Variants in FGF12 observed in about 807,000 individuals in gnomAD.
The protein encoded by FGF12 is fibroblast growth factor 12.
Under a neutral mutation model 23.6 loss-of-function variants are expected in FGF12, and 14 were observed. That is an observed-to-expected ratio of 0.59 (90% confidence interval 0.39 to 0.93). The LOEUF (loss-of-function observed/expected upper bound fraction) is 0.93, where lower values mean the gene tolerates loss of function less well. Among genes scored for constraint, FGF12 ranks in the 40% least tolerant of loss-of-function variants. The pLI is 0.00. For missense variants in FGF12, 175 were observed against 217.8 expected (o/e 0.80, Z 1.24); for synonymous variants, 62 against 77.3 (o/e 0.80, Z 1.04).
At chr3:192,475,384 C>A (rs773178639) in intron 2 of FGF12, among the ~76,000 whole-genome samples, 7 of 152,132 alleles carry the variant, frequency 4.6e-5, no homozygotes, top group Non-Finnish European at 1.0e-4. Context: ...GACTGGGACA[C>A]AGAAAAGTGA....
At position 192,372,635 on chromosome 3, in the gene FGF12, C is replaced by G. The variant is rs142006752; in HGVS notation, c.14-12097G>C. Among the ~76,000 whole-genome samples the G allele has an allele frequency of 6.8e-3, 1,037 of 152,306 alleles. 10 individuals carry two copies. The highest frequency in any genetic ancestry group is 0.024 in the African/African-American group (993 of 41,562). ...CTTCTCTCCATCCGCACTGCCTCCA[C>G]CTTTGTTCAGGCCATCGAGTGCTCT... On this transcript the variant is annotated intron_variant, in intron 2 of 5. Coordinates refer to ENST00000445105, the MANE Select transcript of FGF12 (RefSeq NM_004113.6).
intron 4 of FGF12, among the ~76,000 whole-genome samples, chr3:192,272,213 GAC>G (rs1388228664): frequency 1.3e-5 from 2 of 152,014 alleles, no homozygotes; most frequent in African/African-American, 2.4e-5. Context: ...ATTTCATAAA[GAC>G]ACAGTTTATT....
intron 2 of FGF12, among the ~76,000 whole-genome samples, chr3:192,612,136 G>A (rs769115332): frequency 2.6e-5 from 4 of 151,934 alleles, no homozygotes; most frequent in East Asian, 3.9e-4. Flanking sequence ...TCTTGGCCAC[G>A]AAAACAAACC....
At chr3:192,486,558 G>A (rs549320698) in intron 2 of FGF12, among the ~76,000 whole-genome samples, 1 of 152,050 alleles carries the variant, frequency 6.6e-6, no homozygotes, top group African/African-American at 2.4e-5. Context: ...GCATAGCCTA[G>A]GAAGTAAAAG....
Position 192,628,510 on chromosome 3 carries a change from A to AGT in FGF12, c.13+98669_13+98670dup, listed in dbSNP as rs538589825. On this transcript the variant is annotated intron_variant, in intron 2 of 5. Transcript: ENST00000445105. ...ACAGACATATATGTATATATATATT[A>AGT]GTGTGTGTGTGTATATATATATATA... Among the ~76,000 whole-genome samples, 35 of 56,432 alleles carry AGT rather than the reference A, an allele frequency of 6.2e-4. 1 individual carries two copies. The East Asian group carries it at 0.015, about 24-fold the overall frequency. 37.0% of individuals were successfully genotyped at this position (56,432 alleles called of 152,430 possible).
At chr3:192,667,805 G>C (rs1257960550) in intron 2 of FGF12, among the ~76,000 whole-genome samples, 1 of 151,912 alleles carries the variant, frequency 6.6e-6, no homozygotes, top group Non-Finnish European at 1.5e-5. Flanking sequence ...CAGAAAGAGT[G>C]AGATATTGAC....
intron 2 of FGF12, among the ~76,000 whole-genome samples, chr3:192,538,015 C>T (rs778037422): frequency 9.0e-5 from 13 of 145,242 alleles, no homozygotes; most frequent in Middle Eastern, 8.6e-3. Flanking sequence ...GGTGCGATCT[C>T]GGCTCACTGC....
chr3:192,141,275 C>T lies in FGF12; in HGVS notation c.*2734G>A, dbSNP rs1282507677. On this transcript the variant is annotated 3_prime_UTR_variant, in exon 6 of 6. Coordinates refer to ENST00000445105, the MANE Select transcript of FGF12 (RefSeq NM_004113.6). ...TGAAAAACAAAGTACTTAAACTCAA[C>T]CATATTTTTGGATGAAGTTGGATAT... 6.6e-6 allele frequency: 1 copy of T among 151,430 alleles called. No homozygotes were observed. Among genetic ancestry groups the T allele is most frequent in the African/African-American group, 2.4e-5 (1 of 41,244 alleles). The allele number at this position is 151,430 out of a possible 1,614,324, so 9.4% of individuals were successfully genotyped here.
chr3:192,186,637 T>A (rs1406413287), intron 4 of FGF12, among the ~76,000 whole-genome samples: 1 of 152,200 alleles, frequency 6.6e-6, no homozygotes, highest in Non-Finnish European at 1.5e-5. Context: ...CTACTTTATT[T>A]GAAAGGAGAA....
chr3:192,179,437 C>T (rs571433684), intron 4 of FGF12, among the ~76,000 whole-genome samples: 1 of 151,562 alleles, frequency 6.6e-6, no homozygotes, highest in Non-Finnish European at 1.5e-5. Context: ...ATGGACACAA[C>T]TACTCAATAC....
intron 4 of FGF12, among the ~76,000 whole-genome samples, chr3:192,324,267 C>G (rs1165705941): frequency 6.6e-6 from 1 of 152,078 alleles, no homozygotes; most frequent in African/African-American, 2.4e-5. Context: ...ATGAGAAATA[C>G]TCTTCAAGCA....
intron 2 of FGF12, among the ~76,000 whole-genome samples, chr3:192,564,228 T>C (rs1712179272): frequency 6.6e-6 from 1 of 152,042 alleles, no homozygotes; most frequent in Non-Finnish European, 1.5e-5. Flanking sequence ...CATGCCCGGC[T>C]AATTTGTGTA....
At chr3:192,198,306 T>C (rs1165667650) in intron 4 of FGF12, among the ~76,000 whole-genome samples, 2 of 152,220 alleles carry the variant, frequency 1.3e-5, no homozygotes, top group Admixed American at 1.3e-4. Flanking sequence ...AGGGAATTAA[T>C]GGCCTTTAAA....
At chr3:192,395,453 AT>A (rs1355504328) in intron 2 of FGF12, among the ~76,000 whole-genome samples, 2 of 152,224 alleles carry the variant, frequency 1.3e-5, no homozygotes, top group African/African-American at 4.8e-5. Flanking sequence ...AAAAATACTG[AT>A]TTATTTTCTT....
chr3:192,534,727 T>C (rs1291931756), intron 2 of FGF12, among the ~76,000 whole-genome samples: 2 of 152,214 alleles, frequency 1.3e-5, no homozygotes, highest in African/African-American at 4.8e-5. Context: ...TTGATGTTCT[T>C]TGCAGTGCTC....
intron 4 of FGF12, among the ~76,000 whole-genome samples, chr3:192,182,583 A>G (rs1180033546): frequency 6.6e-6 from 1 of 152,204 alleles, no homozygotes; most frequent in Non-Finnish European, 1.5e-5. Context: ...ATAGGAGGGA[A>G]TGAGAATAAA....
intron 2 of FGF12, among the ~76,000 whole-genome samples, chr3:192,458,407 G>T (rs1722748683): frequency 6.6e-6 from 1 of 152,196 alleles, no homozygotes; most frequent in Non-Finnish European, 1.5e-5. Flanking sequence ...CACAGGGGCA[G>T]AGCTGCCCAA....
chr3:192,572,354 A>G (rs1360094232), intron 2 of FGF12, among the ~76,000 whole-genome samples: 2 of 152,280 alleles, frequency 1.3e-5, no homozygotes, highest in Admixed American at 1.3e-4. Flanking sequence ...CAAGGGGAAA[A>G]TTCACATGAT....
intron 2 of FGF12, among the ~76,000 whole-genome samples, chr3:192,601,509 ATACAT>A (rs1376328471): frequency 3.3e-5 from 5 of 152,128 alleles, no homozygotes; most frequent in African/African-American, 1.2e-4. Context: ...CTCTGATCAT[ATACAT>A]TACATGTATT....
Sources: gnomAD v4.1 joint callset for allele counts (sites outside exome capture counted in the v4.1 genomes callset) on GRCh38, gnomAD v4.1.1 for gene constraint, MANE v1.5 for transcripts, NCBI Gene and HGNC (gene_info 2026-07-23, HGNC 2026-07-21) for gene names.